RGL1: variants seen among roughly 807,000 people sequenced by gnomAD.
RGL1 encodes ral guanine nucleotide dissociation stimulator like 1, also known as ral guanine nucleotide dissociation stimulator-like 1.
In RGL1, 24 loss-of-function variants were observed where a neutral mutation model predicts 95.2. The ratio of observed to expected loss-of-function variants is 0.25; its 90% CI spans 0.18 to 0.35. The LOEUF is 0.35. Ranked by LOEUF, RGL1 falls within the 10% of genes least tolerant of loss-of-function variation. The pLI is 1.00. For missense variants in RGL1, 715 were observed against 936.3 expected, an observed-to-expected ratio of 0.76 and a Z score of 3.08; for synonymous variants, 329 against 344.9, an observed-to-expected ratio of 0.95 and a Z score of 0.51.
chr1:183,730,935 A>C (rs1183585869), intron 1 of RGL1, among the ~76,000 whole-genome samples: 1 of 152,172 alleles, frequency 6.6e-6, no homozygotes, highest in Non-Finnish European at 1.5e-5. Context: ...AGAGTAAAAC[A>C]CACTTTCTTT....
intron 1 of RGL1, chr1:183,647,817 A>G (rs761055588): frequency 1.9e-6 from 3 of 1,614,166 alleles, no homozygotes; most frequent in Admixed American, 3.3e-5. Flanking sequence ...CATTTGAGGC[A>G]TATTTAAGTG....
At chr1:183,761,973 C>G (rs545768766) in intron 2 of RGL1, among the ~76,000 whole-genome samples, 10 of 152,302 alleles carry the variant, frequency 6.6e-5, no homozygotes, top group Admixed American at 4.6e-4. Context: ...CCTCTCACAG[C>G]CTTCATAGAA....
At chr1:183,710,811 A>G (rs1246699814) in intron 1 of RGL1, among the ~76,000 whole-genome samples, 1 of 152,178 alleles carries the variant, frequency 6.6e-6, no homozygotes, top group Non-Finnish European at 1.5e-5. Flanking sequence ...ACAATTTGAG[A>G]TGAGATTTGG....
At chr1:183,760,155 A>T (rs573024635) in intron 2 of RGL1, among the ~76,000 whole-genome samples, 1 of 152,240 alleles carries the variant, frequency 6.6e-6, no homozygotes, top group Non-Finnish European at 1.5e-5. Flanking sequence ...ATATCTAAAA[A>T]GTACATATCT....
rs143223157 is a variant in RGL1 at position 183,781,708 on chromosome 1, C to A, written c.133-24667C>A. On this transcript the variant is annotated intron_variant, in intron 2 of 18. Transcript: ENST00000304685. ...AGTGTACATGTCATTCTATACCTGG[C>A]ATTTTTCCTTTAATGATGTGTCTTA... Among the ~76,000 whole-genome samples the A allele has an allele frequency of 5.4e-3, 822 of 152,264 alleles. 12 individuals are homozygous for A. Among genetic ancestry groups the A allele is most frequent in the African/African-American group, 0.019 (798 of 41,560 alleles).
chr1:183,861,238 T>C (rs377190848), intron 3 of RGL1, among the ~76,000 whole-genome samples: 32 of 152,208 alleles, frequency 2.1e-4, no homozygotes, highest in African/African-American at 7.7e-4. Flanking sequence ...AAGCAGAGCC[T>C]GAGAGATTCT....
intron 2 of RGL1, among the ~76,000 whole-genome samples, chr1:183,823,307 A>G (rs1662622305): frequency 6.6e-6 from 1 of 152,178 alleles, no homozygotes; most frequent in Non-Finnish European, 1.5e-5. Flanking sequence ...TTATTAAACT[A>G]AGTTTCATTA....
chr1:183,785,613 T>G (rs1276901958), intron 2 of RGL1, among the ~76,000 whole-genome samples: 1 of 152,180 alleles, frequency 6.6e-6, no homozygotes, highest in Non-Finnish European at 1.5e-5. Context: ...TGGAGCATAA[T>G]AGCTGCTTGC....
intron 1 of RGL1, among the ~76,000 whole-genome samples, chr1:183,690,295 C>G (rs752413197): frequency 9.9e-5 from 15 of 152,148 alleles, no homozygotes; most frequent in African/African-American, 1.9e-4. Context: ...TTTATATGAG[C>G]AGTTTTCCAG....
intron 3 of RGL1, among the ~76,000 whole-genome samples, chr1:183,849,775 G>T (rs535697960): frequency 6.6e-6 from 1 of 151,980 alleles, no homozygotes; most frequent in Admixed American, 6.6e-5. Context: ...CTTGAGAGCC[G>T]CTGCGCCCAG....
intron 1 of RGL1, among the ~76,000 whole-genome samples, chr1:183,702,060 A>G (rs1032697298): frequency 6.6e-6 from 1 of 152,218 alleles, no homozygotes; most frequent in African/African-American, 2.4e-5. Flanking sequence ...AACTCTAGCT[A>G]TGATACCTGA....
chr1:183,895,658 C>T (rs1392122360), intron 9 of RGL1, among the ~76,000 whole-genome samples: 1 of 152,136 alleles, frequency 6.6e-6, no homozygotes, highest in Non-Finnish European at 1.5e-5. Context: ...CCTATGAAAA[C>T]TTTCAAGAAG....
chr1:183,743,809 C>T (rs1284605831), intron 2 of RGL1, among the ~76,000 whole-genome samples: 2 of 152,158 alleles, frequency 1.3e-5, no homozygotes. Flanking sequence ...TGTTTGACAG[C>T]ATGAGGCTAA....
intron 1 of RGL1, among the ~76,000 whole-genome samples, chr1:183,716,611 C>A (rs1395517551): frequency 6.6e-6 from 1 of 152,204 alleles, no homozygotes; most frequent in East Asian, 1.9e-4. Context: ...CATGGCTGCA[C>A]CTAACTGTTT....
intron 1 of RGL1, among the ~76,000 whole-genome samples, chr1:183,643,961 G>A (rs1242856186): frequency 6.6e-6 from 1 of 152,090 alleles, no homozygotes; most frequent in Non-Finnish European, 1.5e-5. Context: ...TGAGGTCCTG[G>A]GCGACAGGGG....
chr1:183,659,667 G>A (rs1274301973), intron 1 of RGL1, among the ~76,000 whole-genome samples: 1 of 152,036 alleles, frequency 6.6e-6, no homozygotes, highest in Non-Finnish European at 1.5e-5. Context: ...CCCCAATCTA[G>A]CAAGGCAGGC....
chr1:183,650,149 T>C (rs1650614007), intron 1 of RGL1, among the ~76,000 whole-genome samples: 1 of 152,160 alleles, frequency 6.6e-6, no homozygotes. Flanking sequence ...CCTCCAGTCT[T>C]TTTGCTATAT....
In RGL1 at chr1:183,720,237, T is replaced by C. The variant is rs12095057; in HGVS notation, c.-32-21889T>C. Among the ~76,000 whole-genome samples the C allele has an allele frequency of 1.8e-3, 275 of 152,222 alleles. 6 individuals are homozygous for C. The East Asian group carries it at 0.042, about 23-fold the overall frequency. ...GGCCTTAAAAATCATTAATGGAAAG[T>C]TTAATGCCAAAATATTAGAGTAAAA... On this transcript the variant is annotated intron_variant, in intron 1 of 18. Transcript: ENST00000304685.
At chr1:183,878,198 GTCTA>G (rs1666629295) in intron 4 of RGL1, among the ~76,000 whole-genome samples, 1 of 139,024 alleles carries the variant, frequency 7.2e-6, no homozygotes, top group African/African-American at 2.6e-5. Flanking sequence ...CTATCTATCT[GTCTA>G]TCTTTTTTTT....
Sources: gnomAD v4.1 joint callset for allele counts (sites outside exome capture counted in the v4.1 genomes callset) on GRCh38, gnomAD v4.1.1 for gene constraint, MANE v1.5 for transcripts, NCBI Gene and HGNC (gene_info 2026-07-23, HGNC 2026-07-21) for gene names.